The following PCDHA2 variants were observed in gnomAD, a reference collection of about 807,000 sequenced individuals.
PCDHA2 encodes protocadherin alpha-2.
Under a neutral mutation model 66.0 loss-of-function variants are expected in PCDHA2, and 58 were observed. The ratio of observed to expected loss-of-function variants is 0.88; its 90% confidence interval spans 0.71 to 1.09. The LOEUF is 1.09. PCDHA2 is among the 50% of genes least tolerant of loss of function. PCDHA2 has a pLI of 0.00. For missense variants in PCDHA2, 1,267 were observed against 1,242.3 expected, an observed-to-expected ratio of 1.02 and a Z score of -0.30; for synonymous variants, 634 against 554.0, an observed-to-expected ratio of 1.14 and a Z score of -2.03.
intron 3 of PCDHA2, among the ~76,000 whole-genome samples, chr5:140,986,653 A>T (rs61089397): frequency 0.012 from 1,845 of 152,236 alleles, 43 homozygotes; most frequent in African/African-American, 0.043. Context: ...AGAGTGGGAG[A>T]TGCTCACAGT....
At chr5:140,875,056 G>C (rs1554167464) in intron 1 of PCDHA2, among the ~76,000 whole-genome samples, 1 of 152,176 alleles carries the variant, frequency 6.6e-6, no homozygotes, top group Non-Finnish European at 1.5e-5. Context: ...CTTTGAAGCA[G>C]AAAACATTTT....
At chr5:140,877,935 C>A (rs1184618592) in intron 1 of PCDHA2, 28 of 1,388,566 alleles carry the variant, frequency 2.0e-5, no homozygotes, top group Admixed American at 3.0e-5. Context: ...TGATTCTATC[C>A]TTTAAACTAT....
At chr5:140,807,362 C>T (rs145024223) in intron 1 of PCDHA2, 3 of 1,609,962 alleles carry the variant, frequency 1.9e-6, no homozygotes, top group Non-Finnish European at 2.5e-6. Context: ...GCTGGCGGAG[C>T]TGGTGCCGCG....
At chr5:140,871,294 T>C in intron 1 of PCDHA2, 1 of 1,613,852 alleles carries the variant, frequency 6.2e-7, no homozygotes, top group Non-Finnish European at 8.5e-7. Context: ...TGAGGGCGCG[T>C]GCGCGCCGGG....
Position 141,011,633 on chromosome 5 carries a change from G to C in PCDHA2, c.*1696G>C, listed in dbSNP as rs988824031. On this transcript the variant is annotated 3_prime_UTR_variant, in exon 4 of 4. Coordinates refer to ENST00000526136, the MANE Select transcript of PCDHA2 (RefSeq NM_018905.3). ...TTATGGTCCAGCCAAGAGCCATCTC[G>C]TGCCAAGACTTCTGCTGGCAAGGGA... 6.5e-6 allele frequency: 1 copy of C among 153,624 alleles called. No homozygotes were observed. Among genetic ancestry groups the C allele is most frequent in the Non-Finnish European group, 1.5e-5 (1 of 68,022 alleles). 9.5% of individuals were successfully genotyped at this position (153,624 alleles called of 1,614,324 possible). A position where few individuals can be genotyped will look rare whatever the true frequency, so the allele number is the denominator to read the frequency against.
At chr5:140,998,738 A>G (rs1163158052) in intron 3 of PCDHA2, among the ~76,000 whole-genome samples, 1 of 151,972 alleles carries the variant, frequency 6.6e-6, no homozygotes, top group Non-Finnish European at 1.5e-5. Context: ...CTAATTTTGT[A>G]TTTTTAGAAG....
intron 1 of PCDHA2, among the ~76,000 whole-genome samples, chr5:140,923,179 G>T (rs982663028): frequency 3.3e-5 from 5 of 152,130 alleles, no homozygotes; most frequent in Admixed American, 1.3e-4. Flanking sequence ...TTGTTCAGAT[G>T]CATCTACTGC....
At chr5:140,956,141 C>A (rs1181002106) in intron 1 of PCDHA2, among the ~76,000 whole-genome samples, 2 of 152,122 alleles carry the variant, frequency 1.3e-5, no homozygotes, top group Non-Finnish European at 2.9e-5. Context: ...CCCTTTATTT[C>A]TTTCTCTTTC....
intron 3 of PCDHA2, among the ~76,000 whole-genome samples, chr5:140,992,953 C>G (rs1377524442): frequency 5.9e-5 from 9 of 152,172 alleles, no homozygotes; most frequent in African/African-American, 2.2e-4. Flanking sequence ...ATTAAATCAC[C>G]CCTTATACTG....
rs546789240 is a variant in PCDHA2 at position 140,938,168 on chromosome 5, G to A, written c.2389-40781G>A. Among the ~76,000 whole-genome samples, 6 of 152,184 alleles carry A rather than the reference G, an allele frequency of 3.9e-5. No homozygotes were observed. The South Asian group carries it at 1.2e-3, about 32-fold the overall frequency. Reference sequence around the variant, plus strand: ...ACTACATTGCCCAGGCTAGTCTGGAGCTCCTGGGCTCAAGCAATCCTCCCA... The same window carrying A: ...ACTACATTGCCCAGGCTAGTCTGGAACTCCTGGGCTCAAGCAATCCTCCCA... On this transcript the variant is annotated intron_variant, in intron 1 of 3. Coordinates refer to ENST00000526136, the MANE Select transcript of PCDHA2 (RefSeq NM_018905.3).
chr5:140,823,194 C>A (rs1767597632), intron 1 of PCDHA2: 1 of 1,613,896 alleles, frequency 6.2e-7, no homozygotes, highest in Non-Finnish European at 8.5e-7. Context: ...GCTGCCACAT[C>A]TTCACGGTGT....
intron 1 of PCDHA2, among the ~76,000 whole-genome samples, chr5:140,931,650 T>C (rs2087656696): frequency 6.6e-6 from 1 of 152,016 alleles, no homozygotes; most frequent in South Asian, 2.1e-4. Flanking sequence ...CTAATAATTG[T>C]TGTGGGCTGG....
At chr5:140,826,195 T>A (rs1554130490) in intron 1 of PCDHA2, among the ~76,000 whole-genome samples, 1 of 152,214 alleles carries the variant, frequency 6.6e-6, no homozygotes, top group African/African-American at 2.4e-5. Context: ...AAGTTAACAA[T>A]GGTCACATTT....
intron 1 of PCDHA2, chr5:140,823,537 C>T: frequency 6.2e-7 from 1 of 1,613,812 alleles, no homozygotes; most frequent in Non-Finnish European, 8.5e-7. Context: ...GGGTGCGGGC[C>T]ACGTGGTGGC....
chr5:140,882,245 G>A, intron 1 of PCDHA2: 1 of 1,592,614 alleles, frequency 6.3e-7, no homozygotes, highest in Non-Finnish European at 8.6e-7. Context: ...ATTGCAGATA[G>A]CTCTGAGGTT....
intron 1 of PCDHA2, chr5:140,966,926 C>G (rs782811757): frequency 1.9e-6 from 3 of 1,603,462 alleles, no homozygotes; most frequent in Admixed American, 1.7e-5. Flanking sequence ...GGAGCAGGCA[C>G]CCGGCGCGCT....
chr5:140,875,744 A>G, intron 1 of PCDHA2: 2 of 1,614,206 alleles, frequency 1.2e-6, no homozygotes, highest in Non-Finnish European at 1.7e-6. Flanking sequence ...TCTCGGATCG[A>G]CCGCGAGAAG....
At chr5:140,822,634 G>A (rs2150117957) in intron 1 of PCDHA2, 25 of 1,610,648 alleles carry the variant, frequency 1.6e-5, no homozygotes, top group Non-Finnish European at 2.1e-5. Flanking sequence ...TGTTCTTGAC[G>A]ATGTAAAGTC....
At chr5:140,823,080 G>A in intron 1 of PCDHA2, 4 of 1,613,920 alleles carry the variant, frequency 2.5e-6, no homozygotes, top group East Asian at 2.2e-5. Flanking sequence ...CTTCGCTGTG[G>A]GCCACCGCCA....
Sources: allele counts gnomAD v4.1 joint callset (sites outside exome capture counted in the v4.1 genomes callset), GRCh38; gene constraint gnomAD v4.1.1; transcripts MANE v1.5; gene names NCBI Gene and HGNC (gene_info 2026-07-23, HGNC 2026-07-21).